The following LNX1 variants were observed in gnomAD, a reference collection of about 807,000 sequenced individuals.
LNX1 encodes ligand of numb-protein X 1, also known as E3 ubiquitin-protein ligase LNX.
A neutral mutation model predicts 68.4 loss-of-function variants in LNX1; 54 were observed. That is an observed-to-expected ratio of 0.79 (90% confidence interval 0.63 to 0.99). The LOEUF is 0.99. LNX1 is among the 50% of genes least tolerant of loss of function. The probability of loss-of-function intolerance (pLI) is 0.00; values close to 1 mark genes in which losing one functional copy is unlikely to be tolerated. For missense variants in LNX1, 906 were observed against 926.4 expected (o/e 0.98, Z 0.29); for synonymous variants, 336 against 350.0 (o/e 0.96, Z 0.45).
intron 2 of LNX1, among the ~76,000 whole-genome samples, chr4:53,599,597 C>A (rs530324917): frequency 6.6e-6 from 1 of 152,266 alleles, no homozygotes; most frequent in African/African-American, 2.4e-5. Flanking sequence ...CTTTCTTGCA[C>A]AAGATCCAAG....
upstream of LNX1, among the ~76,000 whole-genome samples, chr4:53,618,459 C>G (rs1733756812): frequency 6.6e-6 from 1 of 152,148 alleles, no homozygotes; most frequent in Admixed American, 6.6e-5. Context: ...GCTTTCTACT[C>G]AAAGAACAAA....
intron 5 of LNX1, among the ~76,000 whole-genome samples, chr4:53,497,494 G>A (rs1365623550): frequency 6.6e-6 from 1 of 152,240 alleles, no homozygotes; most frequent in Non-Finnish European, 1.5e-5. Flanking sequence ...CACCACCTTT[G>A]TCCAAGCACA....
At chr4:53,471,476 C>A (rs1240002116) in intron 9 of LNX1, among the ~76,000 whole-genome samples, 1 of 152,036 alleles carries the variant, frequency 6.6e-6, no homozygotes, top group African/African-American at 2.4e-5. Context: ...GCAACAAAAG[C>A]CAAAATTGAC....
intron 2 of LNX1, chr4:53,549,517 A>C (rs1729355477): frequency 9.2e-6 from 1 of 109,036 alleles, no homozygotes; most frequent in Non-Finnish European, 2.2e-5. Context: ...GATTGTATTT[A>C]GCTCATGATT....
intron 1 of LNX1, among the ~76,000 whole-genome samples, chr4:53,647,202 A>ATCCTTTCACATACAACCTT (rs1199498006): frequency 1.3e-5 from 2 of 152,208 alleles, no homozygotes; most frequent in Non-Finnish European, 2.9e-5. Context: ...GTTTCTGACA[A>ATCCTTTCACATACAACCTT]TCCTTTCACA....
chr4:53,565,060 G>T (rs1015815764), intron 2 of LNX1, among the ~76,000 whole-genome samples: 2 of 152,004 alleles, frequency 1.3e-5, no homozygotes, highest in Non-Finnish European at 1.5e-5. Context: ...AGGTGGCAGC[G>T]AGGCTGGGGG....
At chr4:53,563,796 G>A (rs1419826179) in intron 2 of LNX1, among the ~76,000 whole-genome samples, 2 of 152,196 alleles carry the variant, frequency 1.3e-5, no homozygotes, top group Non-Finnish European at 2.9e-5. Context: ...GCCTCCCAAA[G>A]TGCTGGGATT....
At chr4:53,571,775 C>T (rs1305815189) in intron 2 of LNX1, among the ~76,000 whole-genome samples, 2 of 152,144 alleles carry the variant, frequency 1.3e-5, no homozygotes, top group East Asian at 3.9e-4. Context: ...ATCCTCCCAC[C>T]TTAGCCCCCT....
intron 1 of LNX1, among the ~76,000 whole-genome samples, chr4:53,640,074 A>G (rs2109883427): frequency 6.6e-6 from 1 of 152,340 alleles, no homozygotes; most frequent in Middle Eastern, 3.4e-3. Flanking sequence ...ATTTATATAC[A>G]TATACCAAGT....
At chr4:53,493,260 C>A (rs180848626) in intron 6 of LNX1, among the ~76,000 whole-genome samples, 8 of 152,330 alleles carry the variant, frequency 5.3e-5, no homozygotes, top group South Asian at 4.2e-4. Flanking sequence ...AGCCACCACA[C>A]CCAGCCAGAA....
intron 9 of LNX1, among the ~76,000 whole-genome samples, chr4:53,463,774 A>G (rs1722396934): frequency 6.6e-6 from 1 of 152,096 alleles, no homozygotes; most frequent in East Asian, 1.9e-4. Context: ...CACTGAAATG[A>G]GTTAATAAGT....
intron 2 of LNX1, among the ~76,000 whole-genome samples, chr4:53,609,022 A>G (rs920070179): frequency 1.3e-5 from 2 of 152,186 alleles, no homozygotes; most frequent in African/African-American, 4.8e-5. Flanking sequence ...CTACAAGGCT[A>G]CAATAACCAA....
intron 2 of LNX1, among the ~76,000 whole-genome samples, chr4:53,612,395 C>T (rs1733529406): frequency 6.6e-6 from 1 of 152,192 alleles, no homozygotes; most frequent in Admixed American, 6.5e-5. Flanking sequence ...GCAAAGCCAC[C>T]AGAATATAAA....
chr4:53,623,041 C>T (rs1182672917), intron 1 of LNX1, among the ~76,000 whole-genome samples: 1 of 152,088 alleles, frequency 6.6e-6, no homozygotes, highest in African/African-American at 2.4e-5. Flanking sequence ...AATAACTTAA[C>T]TTAGCTTGGG....
chr4:53,604,854 G>A (rs1733163191), intron 2 of LNX1, among the ~76,000 whole-genome samples: 2 of 152,264 alleles, frequency 1.3e-5, no homozygotes, highest in African/African-American at 2.4e-5. Flanking sequence ...GAGGCTGCAG[G>A]GGCAGAAAAC....
At chr4:53,575,911 G>T in intron 1 of LNX1, 2 of 1,573,378 alleles carry the variant, frequency 1.3e-6, no homozygotes, top group Admixed American at 1.8e-5. Context: ...CTGCCGAGAG[G>T]CTGTGCAGTG....
At position 53,460,189 on chromosome 4, in the gene LNX1, T is replaced by C. The variant is rs1721620528; in HGVS notation, c.*718A>G. On this transcript the variant is annotated 3_prime_UTR_variant, in exon 11 of 11. Coordinates refer to ENST00000263925, the MANE Select transcript of LNX1 (RefSeq NM_001126328.3). Reference sequence around the variant, plus strand: ...AGCTGGTTTGGCCTTCTTGATGCATTTTCCAAGGCCCACTGGTGGAGCAGC... The same window carrying C: ...AGCTGGTTTGGCCTTCTTGATGCATCTTCCAAGGCCCACTGGTGGAGCAGC... The C allele has an allele frequency of 5.1e-6, 1 of 196,748 alleles. No homozygotes were observed. The highest frequency in any genetic ancestry group is 1.1e-5 in the Non-Finnish European group (1 of 94,772). The allele number at this position is 196,748 out of a possible 1,614,324, so 12.2% of individuals were successfully genotyped here. A position where few individuals can be genotyped will look rare whatever the true frequency, so the allele number is the denominator to read the frequency against.
At chr4:53,471,950 C>T (rs914331947) in intron 9 of LNX1, among the ~76,000 whole-genome samples, 4 of 152,178 alleles carry the variant, frequency 2.6e-5, no homozygotes, top group Non-Finnish European at 5.9e-5. Flanking sequence ...GGATCTAGAA[C>T]TGGAAATACC....
chr4:53,634,252 CTTT>C (rs35451950), intron 1 of LNX1, among the ~76,000 whole-genome samples: 1 of 142,916 alleles, frequency 7.0e-6, no homozygotes, highest in African/African-American at 2.6e-5. Context: ...TCCAGCTTGG[CTTT>C]TTTTTTTTTT....
Sources: allele counts gnomAD v4.1 joint callset (sites outside exome capture counted in the v4.1 genomes callset), GRCh38; gene constraint gnomAD v4.1.1; transcripts MANE v1.5; gene names NCBI Gene and HGNC (gene_info 2026-07-23, HGNC 2026-07-21).